The following NALF1 variants were observed in gnomAD, a reference collection of about 807,000 sequenced individuals.
NALF1 encodes NALCN channel auxiliary factor 1.
Under a neutral mutation model 48.4 loss-of-function variants are expected in NALF1, and 3 were observed. That is an observed-to-expected ratio of 0.06 (90% CI 0.03 to 0.16). The LOEUF is 0.16. Ranked by LOEUF, NALF1 falls within the 10% of genes least tolerant of loss-of-function variation. The pLI, the probability that NALF1 is intolerant of heterozygous loss-of-function variation, is 1.00. For synonymous variants in NALF1, 262 were observed against 245.7 expected (o/e 1.07, Z -0.62); for missense variants, 526 against 571.5 (o/e 0.92, Z 0.81).
At chr13:107,178,883 T>G (rs993893553) in intron 2 of NALF1, among the ~76,000 whole-genome samples, 3 of 151,652 alleles carry the variant, frequency 2.0e-5, no homozygotes, top group African/African-American at 7.3e-5. Flanking sequence ...AGGCGGAGCT[T>G]GCAGTGAGCC....
intron 1 of NALF1, among the ~76,000 whole-genome samples, chr13:107,357,518 AAAC>A (rs1019767674): frequency 7.2e-5 from 11 of 152,138 alleles, no homozygotes; most frequent in Admixed American, 2.0e-4. Context: ...GTTGTGTTAA[AAAC>A]AACAACAACA....
At chr13:107,642,633 T>C (rs1289632317) in intron 1 of NALF1, among the ~76,000 whole-genome samples, 1 of 152,096 alleles carries the variant, frequency 6.6e-6, no homozygotes, top group Non-Finnish European at 1.5e-5. Flanking sequence ...AAATGTGTAG[T>C]TTTTGTGGAA....
At chr13:107,480,274 C>T (rs1432807026) in intron 1 of NALF1, among the ~76,000 whole-genome samples, 1 of 152,110 alleles carries the variant, frequency 6.6e-6, no homozygotes, top group African/African-American at 2.4e-5. Context: ...TGAAACTTGG[C>T]ACAATGACTT....
chr13:107,638,556 G>A (rs111932434), intron 1 of NALF1, among the ~76,000 whole-genome samples: 43 of 152,048 alleles, frequency 2.8e-4, no homozygotes, highest in African/African-American at 8.0e-4. Context: ...AGAGGATAAG[G>A]GACAATCACA....
chr13:107,575,433 G>A (rs1230150495), intron 1 of NALF1, among the ~76,000 whole-genome samples: 1 of 152,152 alleles, frequency 6.6e-6, no homozygotes, highest in South Asian at 2.1e-4. Flanking sequence ...ACCATCCCAT[G>A]AGCCCCTTTC....
chr13:107,659,611 T>C (rs1477432977), intron 1 of NALF1, among the ~76,000 whole-genome samples: 1 of 151,740 alleles, frequency 6.6e-6, no homozygotes, highest in Non-Finnish European at 1.5e-5. Context: ...GTGAATGTGT[T>C]TTTTTTCTTT....
chr13:107,753,061 G>A (rs1223300127), intron 1 of NALF1, among the ~76,000 whole-genome samples: 1 of 152,100 alleles, frequency 6.6e-6, no homozygotes, highest in Non-Finnish European at 1.5e-5. Flanking sequence ...CCAGGGTTGT[G>A]AGTGTCTTAC....
chr13:107,357,032 G>A (rs1474497132), intron 1 of NALF1, among the ~76,000 whole-genome samples: 2 of 152,158 alleles, frequency 1.3e-5, no homozygotes. Context: ...AGAGGGAAAG[G>A]AGGATAAATC....
intron 1 of NALF1, among the ~76,000 whole-genome samples, chr13:107,514,848 T>C (rs947170586): frequency 6.6e-6 from 1 of 152,154 alleles, no homozygotes; most frequent in Non-Finnish European, 1.5e-5. Flanking sequence ...CAGGATATTA[T>C]GGCAAAACAG....
chr13:107,677,606 T>A (rs1387081507), intron 1 of NALF1, among the ~76,000 whole-genome samples: 3 of 152,174 alleles, frequency 2.0e-5, no homozygotes, highest in African/African-American at 7.2e-5. Flanking sequence ...TAATGGAATA[T>A]CACATACATT....
At chr13:107,808,717 G>A (rs2138604331) in intron 1 of NALF1, among the ~76,000 whole-genome samples, 1 of 151,960 alleles carries the variant, frequency 6.6e-6, no homozygotes, top group African/African-American at 2.4e-5. Flanking sequence ...AGAACAAAGT[G>A]GAAAGCTATG....
At chr13:107,276,371 A>C (rs1261933505) in intron 1 of NALF1, among the ~76,000 whole-genome samples, 1 of 152,136 alleles carries the variant, frequency 6.6e-6, no homozygotes, top group Non-Finnish European at 1.5e-5. Flanking sequence ...ACATAACCTC[A>C]TCTCTTCCTG....
rs114894449 is a variant in NALF1 at position 107,823,700 on chromosome 13, G to A, written c.915+41982C>T. Among the ~76,000 whole-genome samples, 340 of 152,238 alleles carry A rather than the reference G, an allele frequency of 2.2e-3. 2 individuals carry two copies. The highest frequency in any genetic ancestry group is 7.7e-3 in the African/African-American group (321 of 41,534). ...CTGTGACCTTCCAGAGAGCTTTCAT[G>A]CTCCTCTCTTGACACAATTTTATAT... On this transcript the variant is annotated intron_variant, in intron 1 of 2. Transcript: ENST00000375915.
intron 1 of NALF1, among the ~76,000 whole-genome samples, chr13:107,270,111 T>C (rs1457814521): frequency 6.6e-6 from 1 of 151,908 alleles, no homozygotes. Flanking sequence ...TTGTGAATGA[T>C]GCAGGATTAT....
At chr13:107,771,678 T>C (rs904793278) in intron 1 of NALF1, among the ~76,000 whole-genome samples, 40 of 152,122 alleles carry the variant, frequency 2.6e-4, no homozygotes, top group African/African-American at 9.4e-4. Context: ...AAATTAATAA[T>C]GTTTACTAAA....
At chr13:107,349,193 C>T (rs987127694) in intron 1 of NALF1, among the ~76,000 whole-genome samples, 3 of 152,140 alleles carry the variant, frequency 2.0e-5, no homozygotes, top group African/African-American at 7.2e-5. Flanking sequence ...TCAGATATTT[C>T]GAAAGAGAAA....
At chr13:107,488,653 C>G (rs755152585) in intron 1 of NALF1, among the ~76,000 whole-genome samples, 1 of 152,136 alleles carries the variant, frequency 6.6e-6, no homozygotes, top group Non-Finnish European at 1.5e-5. Context: ...TATGACAAAC[C>G]TACAGACAAT....
chr13:107,567,030 A>C (rs2138398157), intron 1 of NALF1, among the ~76,000 whole-genome samples: 1 of 152,332 alleles, frequency 6.6e-6, no homozygotes, highest in South Asian at 2.1e-4. Context: ...AAGGCATAAA[A>C]ATAACAAATA....
chr13:107,327,625 TAA>T (rs67796266), intron 1 of NALF1, among the ~76,000 whole-genome samples: 44,327 of 151,966 alleles, frequency 0.29, 6,765 homozygotes, highest in African/African-American at 0.32. Context: ...GCAATACTTT[TAA>T]AAAACTTTTT....
Sources: allele counts gnomAD v4.1 joint callset (sites outside exome capture counted in the v4.1 genomes callset), GRCh38; gene constraint gnomAD v4.1.1; transcripts MANE v1.5; gene names NCBI Gene and HGNC (gene_info 2026-07-23, HGNC 2026-07-21).